Variants in SPATS2 observed in about 807,000 individuals in gnomAD.
SPATS2 encodes spermatogenesis associated serine rich 2.
Under a neutral mutation model 63.7 loss-of-function variants are expected in SPATS2, and 38 were observed. That is an observed-to-expected ratio of 0.60 (90% CI 0.46 to 0.78). SPATS2 has a LOEUF of 0.78. Ranked by LOEUF, SPATS2 falls within the 30% of genes least tolerant of loss-of-function variation. The pLI is 0.00. For synonymous variants in SPATS2, 207 were observed against 232.9 expected (o/e 0.89, Z 1.01); for missense variants, 588 against 666.2 (o/e 0.88, Z 1.29).
At chr12:49,498,145 A>C (rs10783316) in intron 8 of SPATS2, among the ~76,000 whole-genome samples, 1 of 98,980 alleles carries the variant, frequency 1.0e-5, no homozygotes, top group Non-Finnish European at 1.9e-5. Context: ...AAAAAAAAAA[A>C]ATATATATAT....
At chr12:49,522,028 G>GAAA (rs111233399) in intron 11 of SPATS2, among the ~76,000 whole-genome samples, 1 of 138,858 alleles carries the variant, frequency 7.2e-6, no homozygotes, top group African/African-American at 2.6e-5. Flanking sequence ...CTTTTCATCT[G>GAAA]AAAAAAAAAA....
Position 49,524,680 on chromosome 12 carries a change from A to G in SPATS2, c.1112-2A>G. 1 of 1,614,078 alleles carries G rather than the reference A, an allele frequency of 6.2e-7. No homozygotes were observed. Among genetic ancestry groups the G allele is most frequent in the Non-Finnish European group, 8.5e-7 (1 of 1,179,952 alleles). ...CATATATTCCTCATATTTCTGTTTCAGTGTCTCATCCAAAGAACAGCTATT... is the reference window on the plus strand; with the variant it reads ...CATATATTCCTCATATTTCTGTTTCGGTGTCTCATCCAAAGAACAGCTATT... On this transcript the variant is annotated splice_acceptor_variant, in intron 12 of 13. Coordinates refer to ENST00000552918, the MANE Select transcript of SPATS2 (RefSeq NM_023071.4). LOFTEE classifies it high-confidence loss of function.
At chr12:49,419,572 G>A (rs1203545042) in intron 2 of SPATS2, among the ~76,000 whole-genome samples, 1 of 152,186 alleles carries the variant, frequency 6.6e-6, no homozygotes, top group East Asian at 1.9e-4. Flanking sequence ...GAAGATCTGA[G>A]CATTGATATA....
chr12:49,466,232 C>T (rs1014926798), intron 3 of SPATS2, among the ~76,000 whole-genome samples: 4 of 151,932 alleles, frequency 2.6e-5, no homozygotes, highest in Non-Finnish European at 4.4e-5. Context: ...GGAGCAATCT[C>T]AGCTCACTAC....
At chr12:49,382,286 T>TA (rs1254650939) in intron 2 of SPATS2, among the ~76,000 whole-genome samples, 1 of 152,244 alleles carries the variant, frequency 6.6e-6, no homozygotes, top group African/African-American at 2.4e-5. Context: ...AAAATGCACT[T>TA]AAAAATTTTT....
intron 2 of SPATS2, among the ~76,000 whole-genome samples, chr12:49,445,303 A>G (rs1190562639): frequency 6.6e-6 from 1 of 152,138 alleles, no homozygotes; most frequent in African/African-American, 2.4e-5. Flanking sequence ...ATGAATGGGT[A>G]TGGGTGCGTG....
Position 49,496,875 on chromosome 12 carries a change from C to A in SPATS2, c.569C>A (p.Ser190Tyr), listed in dbSNP as rs763502048. The change falls in exon 8 of 14, where the codon TCT becomes TAT. Residue 190 changes from serine (S) to tyrosine (Y), a missense_variant. Ser to Tyr is a moderately radical substitution (Grantham distance 144). Transcript: ENST00000552918. ...GGTGTCTCTGATTTTGAGACCAAGT[C>A]TTTGACTATGCACTCTATTCACAAT... ...QNGVSDFETK[S>Y]LTMHSIHNSQ... 2 of 1,614,130 alleles carry A rather than the reference C, an allele frequency of 1.2e-6. No individual in the cohort carries two copies. Among genetic ancestry groups the A allele is most frequent in the Non-Finnish European group, 1.7e-6 (2 of 1,180,010 alleles).
At chr12:49,384,215 C>T (rs1162240989) in intron 2 of SPATS2, among the ~76,000 whole-genome samples, 2 of 152,200 alleles carry the variant, frequency 1.3e-5, no homozygotes, top group East Asian at 1.9e-4. Flanking sequence ...ATCTTCTTGC[C>T]TCGGCCTCCC....
rs544763916 is a variant in SPATS2, at chr12:49,517,700, G to A, written c.899-1373G>A. Among the ~76,000 whole-genome samples the A allele has an allele frequency of 2.2e-4, 33 of 152,252 alleles. 1 individual carries two copies. Among genetic ancestry groups the A allele is most frequent in the African/African-American group, 7.0e-4 (29 of 41,546 alleles). ...GGCTCCAGTCGAGAAGGAGTAAAAC[G>A]TTACATGCTAAGACTCCCTTAAAAC... On this transcript the variant is annotated intron_variant, in intron 10 of 13. Transcript: ENST00000552918.
Position 49,522,733 on chromosome 12 carries a change from T to C in SPATS2, c.1009-18T>C. The C allele has an allele frequency of 6.2e-7, 1 of 1,610,434 alleles. No individual in the cohort carries two copies. Among genetic ancestry groups the C allele is most frequent in the Non-Finnish European group, 8.5e-7 (1 of 1,177,260 alleles). On this transcript the variant is annotated intron_variant, in intron 11 of 13. Coordinates refer to ENST00000552918, the MANE Select transcript of SPATS2 (RefSeq NM_023071.4). ...GTTGTTTGTCTAACCTGGAGGCCTT[T>C]CTTTGTCCTTTCTCCAGCACTTTGT...
chr12:49,417,915 C>T (rs1214027891), intron 2 of SPATS2, among the ~76,000 whole-genome samples: 1 of 152,180 alleles, frequency 6.6e-6, no homozygotes, highest in East Asian at 1.9e-4. Flanking sequence ...ATGTCTTGTT[C>T]TGTTGCCCAG....
intron 2 of SPATS2, among the ~76,000 whole-genome samples, chr12:49,414,921 CTTT>C (rs143344581): frequency 1.4e-5 from 2 of 141,092 alleles, no homozygotes; most frequent in Non-Finnish European, 3.1e-5. Flanking sequence ...CTTTCTTTTT[CTTT>C]TTTTCTTTTT....
At chr12:49,434,087 A>G (rs1273150309) in intron 2 of SPATS2, among the ~76,000 whole-genome samples, 1 of 152,106 alleles carries the variant, frequency 6.6e-6, no homozygotes, top group Non-Finnish European at 1.5e-5. Flanking sequence ...TCTTTTGACC[A>G]TATATGTGAG....
intron 9 of SPATS2, among the ~76,000 whole-genome samples, chr12:49,507,164 T>C (rs1455616615): frequency 6.6e-6 from 1 of 152,256 alleles, no homozygotes; most frequent in South Asian, 2.1e-4. Context: ...TCACAACTTG[T>C]AGTGCCTTGT....
intron 1 of SPATS2, among the ~76,000 whole-genome samples, chr12:49,370,658 A>ATT (rs1387690115): frequency 6.6e-6 from 1 of 152,054 alleles, no homozygotes; most frequent in Admixed American, 6.6e-5. Context: ...TTGGTTATTT[A>ATT]TTTATGTTTT....
chr12:49,485,329 C>T (rs762542102), intron 4 of SPATS2, among the ~76,000 whole-genome samples: 17 of 151,852 alleles, frequency 1.1e-4, no homozygotes, highest in South Asian at 4.2e-4. Flanking sequence ...GCTGGGATTA[C>T]AAGCGTGAGC....
chr12:49,524,289 G>A lies in SPATS2; in HGVS notation c.1112-393G>A, dbSNP rs186499565. On this transcript the variant is annotated intron_variant, in intron 12 of 13. Coordinates refer to ENST00000552918, the MANE Select transcript of SPATS2 (RefSeq NM_023071.4). ...ATGTACCTTTTTCTTTCTTTGCAAAGGCTGTTCCTTAGAATGTTTCTTGCA... is the reference window on the plus strand; with the variant it reads ...ATGTACCTTTTTCTTTCTTTGCAAAAGCTGTTCCTTAGAATGTTTCTTGCA... 2.0e-5 allele frequency among the ~76,000 whole-genome samples: 3 copies of A among 152,218 alleles called. No individual in the cohort carries two copies. The East Asian group carries it at 5.8e-4, about 29-fold the overall frequency.
At position 49,526,398 on chromosome 12, in the gene SPATS2, T is replaced by C; in HGVS notation, c.*143T>C. ...GCCATTCTAAGTATTTTTGGTTTCT[T>C]GTCTCCTTATTTCCTCTTTACCATT... On this transcript the variant is annotated 3_prime_UTR_variant, in exon 14 of 14. Transcript: ENST00000552918. 9.8e-7 allele frequency: 1 copy of C among 1,020,428 alleles called. No individual in the cohort carries two copies. The highest frequency in any genetic ancestry group is 1.4e-6 in the Non-Finnish European group (1 of 724,398). 63.2% of individuals were successfully genotyped at this position (1,020,428 alleles called of 1,614,324 possible).
At chr12:49,394,304 A>ACT (rs1592355342) in intron 2 of SPATS2, among the ~76,000 whole-genome samples, 2 of 146,576 alleles carry the variant, frequency 1.4e-5, no homozygotes, top group African/African-American at 5.1e-5. Flanking sequence ...GAGTCACTGC[A>ACT]CTCCAGTCTG....
Sources: allele counts gnomAD v4.1 joint callset (sites outside exome capture counted in the v4.1 genomes callset), GRCh38; gene constraint gnomAD v4.1.1; transcripts MANE v1.5; gene names NCBI Gene and HGNC (gene_info 2026-07-23, HGNC 2026-07-21).